Variants in POC1B observed in about 807,000 individuals in gnomAD.
The protein encoded by POC1B is POC1 centriolar protein homolog B.
POC1B carries 44 observed loss-of-function variants against 60.6 expected under a neutral mutation model. The observed-to-expected ratio is 0.73, with a 90% confidence interval of 0.57 to 0.93. The LOEUF (loss-of-function observed/expected upper bound fraction) is 0.93. Among genes scored for constraint, POC1B ranks in the 40% least tolerant of loss-of-function variants. The pLI is 0.00. For synonymous variants in POC1B, 180 were observed against 198.9 expected (o/e 0.90, Z 0.80); for missense variants, 555 against 572.3 (o/e 0.97, Z 0.31).
chr12:89,523,065 C>A, intron 2 of POC1B: 1 of 1,613,808 alleles, frequency 6.2e-7, no homozygotes, highest in Non-Finnish European at 8.5e-7. Context: ...CAGAATTAAA[C>A]CTTATTTCTT....
At chr12:89,462,556 A>G (rs1882520213) in intron 9 of POC1B, among the ~76,000 whole-genome samples, 1 of 152,210 alleles carries the variant, frequency 6.6e-6, no homozygotes, top group South Asian at 2.1e-4. Context: ...GCTTCTAAAG[A>G]GCAAGGAGTA....
rs1882408611 is a variant in POC1B, at chr12:89,459,675, G to A, written c.1076C>T (p.Pro359Leu). 6.5e-7 allele frequency: 1 copy of A among 1,537,992 alleles called. No homozygotes were observed. The highest frequency in any genetic ancestry group is 2.4e-5 in the East Asian group (1 of 42,340). Reference sequence around the variant, plus strand: ...AAAAGAAAGGATATCCATAACAGGGGGAGTAGAGATCTGCAAATCGATTAC... The same window carrying A: ...AAAAGAAAGGATATCCATAACAGGGAGAGTAGAGATCTGCAAATCGATTAC... The part of the protein sequence containing the change: ...LEVIDLQIST[P>L]PVMDILSFDS... The change falls in exon 10 of 12, where the codon CCC becomes CTC. Residue 359 changes from proline to leucine, a missense_variant. Coordinates refer to ENST00000313546, the MANE Select transcript of POC1B (RefSeq NM_172240.3).
At chr12:89,444,657 TG>T (rs1413628866) in intron 10 of POC1B, among the ~76,000 whole-genome samples, 1 of 152,184 alleles carries the variant, frequency 6.6e-6, no homozygotes, top group Admixed American at 6.5e-5. Context: ...TCATACTGAA[TG>T]GGCAAAAACT....
At chr12:89,525,551 C>CT (rs111898396) in intron 1 of POC1B, 209,573 of 1,049,508 alleles carry the variant, frequency 0.2, 3,087 homozygotes, top group South Asian at 0.22. Flanking sequence ...GGCTTTGGTA[C>CT]TTTTTTTTTT....
At chr12:89,488,020 A>G (rs1169023591) in intron 4 of POC1B, among the ~76,000 whole-genome samples, 1 of 152,190 alleles carries the variant, frequency 6.6e-6, no homozygotes, top group Non-Finnish European at 1.5e-5. Context: ...TACTTAATAT[A>G]GCTATATGGT....
At position 89,466,845 on chromosome 12, in the gene POC1B, A is replaced by C. The variant is rs777547193; in HGVS notation, c.957T>G (p.Phe319Leu). ...TATCAAGAAGATGTGGTGGTGAATC[A>C]AAATGTAATCTTTTGAGATTTCTTT... ...LTKRNLKRLH[F>L]DSPPHLLDIY... The change falls in exon 9 of 12, where the codon TTT (phenylalanine) becomes TTG (leucine). Residue 319 changes from phenylalanine to leucine, a missense_variant. Transcript: ENST00000313546. 6.2e-7 allele frequency: 1 copy of C among 1,613,194 alleles called. No homozygotes were observed. The highest frequency in any genetic ancestry group is 2.2e-5 in the East Asian group (1 of 44,774).
chr12:89,430,606 C>A (rs1340579474), intron 10 of POC1B, among the ~76,000 whole-genome samples: 1 of 152,180 alleles, frequency 6.6e-6, no homozygotes, highest in Non-Finnish European at 1.5e-5. Flanking sequence ...ACCCTTTCCA[C>A]CACCCACCCT....
At chr12:89,465,547 T>C (rs1882652877) in intron 9 of POC1B, among the ~76,000 whole-genome samples, 1 of 152,190 alleles carries the variant, frequency 6.6e-6, no homozygotes, top group South Asian at 2.1e-4. Context: ...ATATTTCACA[T>C]GTATTTTATA....
chr12:89,438,317 T>C (rs1042856502), intron 10 of POC1B, among the ~76,000 whole-genome samples: 4 of 151,288 alleles, frequency 2.6e-5, no homozygotes, highest in Non-Finnish European at 5.9e-5. Context: ...ATTAGCTGGG[T>C]GCGGTGGCGG....
At chr12:89,500,608 T>C in intron 2 of POC1B, 1 of 1,597,348 alleles carries the variant, frequency 6.3e-7, no homozygotes, top group Non-Finnish European at 8.6e-7. Context: ...TATCGCAAAA[T>C]GTTATTCCAT....
At chr12:89,432,742 C>T (rs1428093369) in intron 10 of POC1B, among the ~76,000 whole-genome samples, 1 of 152,092 alleles carries the variant, frequency 6.6e-6, no homozygotes, top group Non-Finnish European at 1.5e-5. Flanking sequence ...GTTTGAGAGG[C>T]CTATCAGACT....
At chr12:89,459,523 G>T (rs1160288350) in intron 10 of POC1B, 115 bp downstream of exon 10, 2 of 485,634 alleles carry the variant, frequency 4.1e-6, no homozygotes, top group African/African-American at 4.1e-5. Context: ...TAAAATGTTA[G>T]GCTACATAGG....
rs528428025 is a variant in POC1B at position 89,459,708 on chromosome 12, T to G, written c.1043A>C (p.Lys348Thr). ...EKVETVEINPKLEVIDLQIST... is the reference protein window; with the variant it reads ...EKVETVEINPTLEVIDLQIST... ...GATCTGCAAATCGATTACCTCAAGC[T>G]TTGGATTAATCTGTGTATATACATA... Residue 348 changes from lysine to threonine, a missense_variant, in exon 10 of 12, where the codon AAG becomes ACG. Coordinates refer to ENST00000313546, the MANE Select transcript of POC1B (RefSeq NM_172240.3). 2 of 1,539,428 alleles carry G rather than the reference T, an allele frequency of 1.3e-6. No individual in the cohort carries two copies. The highest frequency in any genetic ancestry group is 2.6e-5 in the South Asian group (2 of 78,116).
rs199852870 is a variant in POC1B at position 89,425,148 on chromosome 12, G to C, written c.1332+13C>G. On this transcript the variant is annotated intron_variant, in intron 11 of 11. Transcript: ENST00000313546. ...CCCCCAAGTGCAACTCATGCAACCT[G>C]TGTCATGCCCACCTGTGTCAAAACA... The C allele has an allele frequency of 5.0e-6, 8 of 1,613,052 alleles. No homozygotes were observed. The Admixed American group carries it at 1.2e-4, about 24-fold the overall frequency.
intron 4 of POC1B, among the ~76,000 whole-genome samples, chr12:89,488,357 C>T (rs536867494): frequency 1.3e-5 from 2 of 152,208 alleles, no homozygotes; most frequent in Admixed American, 6.5e-5. Flanking sequence ...CATGGTCTGC[C>T]GATTCCCTCT....
At chr12:89,405,679 G>A in the POC1B span, among the ~76,000 whole-genome samples, 4 of 152,236 alleles carry the variant, frequency 2.6e-5, no homozygotes, top group Non-Finnish European at 5.9e-5. Context: ...GTGCAGGGCC[G>A]GGGCGGTGGC....
chr12:89,443,009 C>T (rs1881601847), intron 10 of POC1B, among the ~76,000 whole-genome samples: 1 of 152,104 alleles, frequency 6.6e-6, no homozygotes, highest in South Asian at 2.1e-4. Context: ...ACAAAGAAGG[C>T]CATTACATAA....
chr12:89,447,781 G>A (rs865847134), intron 10 of POC1B, among the ~76,000 whole-genome samples: 1 of 151,784 alleles, frequency 6.6e-6, no homozygotes, highest in African/African-American at 2.4e-5. Context: ...TTCATTTTAC[G>A]AACCTAAAGC....
rs1395111758 is a variant in POC1B at position 89,504,413 on chromosome 12, C to T, written c.101-7071G>A. On this transcript the variant is annotated intron_variant, in intron 2 of 11. Transcript: ENST00000313546. ...AACAGATGCTTGAAGGCAGCATGCT[C>T]CTTAAGAGTCATCACCACTCCCTAA... Among the ~76,000 whole-genome samples the T allele has an allele frequency of 2.0e-5, 3 of 151,972 alleles. No homozygotes were observed. The South Asian group carries it at 6.2e-4, about 31-fold the overall frequency.
Sources: allele counts gnomAD v4.1 joint callset (sites outside exome capture counted in the v4.1 genomes callset), GRCh38; gene constraint gnomAD v4.1.1; transcripts MANE v1.5; gene names NCBI Gene and HGNC (gene_info 2026-07-23, HGNC 2026-07-21).